Variants in DIAPH2 observed in about 807,000 individuals in gnomAD.
DIAPH2 encodes the protein diaphanous related formin 2, also known as protein diaphanous homolog 2.
A neutral mutation model predicts 92.7 loss-of-function variants in DIAPH2; 35 were observed. The observed-to-expected ratio is 0.38, with a 90% confidence interval of 0.29 to 0.50. DIAPH2 has a LOEUF of 0.50. Among genes scored for constraint, DIAPH2 ranks in the 20% least tolerant of loss-of-function variants. The pLI is 0.94. For missense variants in DIAPH2, 701 were observed against 819.5 expected (o/e 0.86, Z 1.77); for synonymous variants, 301 against 280.4 (o/e 1.07, Z -0.73).
At chrX:97,369,304 A>G (rs2069419029) in intron 24 of DIAPH2, among the ~76,000 whole-genome samples, 1 of 111,532 alleles carries the variant, frequency 9.0e-6, no homozygotes, top group African/African-American at 3.3e-5. Flanking sequence ...TAAATACATA[A>G]TGGATATATT....
intron 26 of DIAPH2, among the ~76,000 whole-genome samples, chrX:97,553,048 T>G: frequency 8.9e-6 from 1 of 112,255 alleles, no homozygotes; most frequent in East Asian, 2.8e-4. Flanking sequence ...TGTTATATTC[T>G]GAGGTACTGC....
At chrX:96,841,818 C>G (rs954390372) in intron 4 of DIAPH2, among the ~76,000 whole-genome samples, 2 of 111,967 alleles carry the variant, frequency 1.8e-5, no homozygotes, top group Admixed American at 1.9e-4. Flanking sequence ...TTTTAATCAC[C>G]TAGGTGCAGG....
chrX:97,316,485 C>CAAAAAA (rs55897560), intron 23 of DIAPH2, among the ~76,000 whole-genome samples: 1 of 59,302 alleles, frequency 1.7e-5, no homozygotes, highest in African/African-American at 6.3e-5. Flanking sequence ...ACTAAAAATA[C>CAAAAAA]AAAAAAAAAA....
intron 4 of DIAPH2, among the ~76,000 whole-genome samples, chrX:96,866,296 A>G (rs780466444): frequency 8.9e-6 from 1 of 111,990 alleles, no homozygotes; most frequent in South Asian, 3.7e-4. Flanking sequence ...TCTGCATAAC[A>G]ATATTAATAC....
intron 26 of DIAPH2, among the ~76,000 whole-genome samples, chrX:97,549,319 A>T (rs2071203294): frequency 8.9e-6 from 1 of 111,807 alleles, no homozygotes; most frequent in Admixed American, 9.5e-5. Flanking sequence ...AACACATTCA[A>T]ACTATTTTAT....
chrX:97,227,827 A>C (rs2067977254), intron 22 of DIAPH2, among the ~76,000 whole-genome samples: 2 of 112,119 alleles, frequency 1.8e-5, no homozygotes, highest in Admixed American at 1.9e-4. Flanking sequence ...ATTATGTAAA[A>C]CTGACTGTAA....
chrX:96,727,109 A>G lies in DIAPH2; in HGVS notation c.133-8649A>G, dbSNP rs143949223. Among the ~76,000 whole-genome samples the G allele has an allele frequency of 4.8e-3, 535 of 112,334 alleles. 5 individuals carry two copies. Among genetic ancestry groups the G allele is most frequent in the African/African-American group, 0.017 (517 of 30,952 alleles). ...CTTTATTTATCCTGTTTTGTGAAAT[A>G]TCCATGTTTTCCTTTTAAACTTGAA... On this transcript the variant is annotated intron_variant, in intron 1 of 26. Transcript: ENST00000324765.
chrX:97,307,560 A>G (rs187850262), intron 23 of DIAPH2, among the ~76,000 whole-genome samples: 200 of 111,690 alleles, frequency 1.8e-3, no homozygotes, highest in African/African-American at 5.9e-3. Flanking sequence ...TTCAGTCTCA[A>G]TATAAAATAG....
chrX:96,912,525 A>G lies in DIAPH2; in HGVS notation c.705A>G (p.Gln235=), dbSNP rs2065474829. The change falls in exon 7 of 27, where the codon CAA becomes CAG. Residue 235 remains glutamine (Q), a synonymous_variant. Transcript: ENST00000324765. ...IDKKNQYKLI[Q]CLKAFMNNKF... Reference sequence around the variant, plus strand: ...AGAAGAATCAGTATAAACTTATTCAATGCCTCAAAGCATTTATGAATAATA... The same window carrying G: ...AGAAGAATCAGTATAAACTTATTCAGTGCCTCAAAGCATTTATGAATAATA... 4 of 1,196,273 alleles carry G rather than the reference A, an allele frequency of 3.3e-6. No homozygotes were observed. Among genetic ancestry groups the G allele is most frequent in the South Asian group, 3.8e-5 (2 of 53,267 alleles).
At chrX:96,717,816 GTATATATATATATATATATATA>G (rs61272505) in intron 1 of DIAPH2, among the ~76,000 whole-genome samples, 139 of 36,373 alleles carry the variant, frequency 3.8e-3, no homozygotes, top group African/African-American at 7.6e-3. Flanking sequence ...TGGGTATATA[GTATATATATATATATATATATA>G]TATATATATA....
rs186576015 is a variant in DIAPH2 at position 96,854,586 on chromosome X, C to A, written c.448-26993C>A. Among the ~76,000 whole-genome samples, 152 of 75,063 alleles carry A rather than the reference C, an allele frequency of 2.0e-3. 1 individual carries two copies. The highest frequency in any genetic ancestry group is 7.3e-3 in the African/African-American group (146 of 19,996). The allele number at this position is 75,063 out of a possible 115,157, so 65.2% of individuals were successfully genotyped here. A position where few individuals can be genotyped will look rare whatever the true frequency, so the allele number is the denominator to read the frequency against. On this transcript the variant is annotated intron_variant, in intron 4 of 26. Transcript: ENST00000324765. The stretch of plus-strand genomic sequence containing the variant: ...TGTATATATATAAAAAACCAAGACT[C>A]TCTCTCTCTCTCATATATATATATA...
At position 97,599,500 on chromosome X, in the gene DIAPH2, A is replaced by AATC. The variant is rs2071578683; in HGVS notation, c.*184_*186dup. Reference sequence around the variant, plus strand: ...GCAAGACTCCTCCCACAATTATTCTAATCTGAACACAGTTATCAGGATTAC... The same window carrying AATC: ...GCAAGACTCCTCCCACAATTATTCTAATCATCTGAACACAGTTATCAGGATTAC... On this transcript the variant is annotated 3_prime_UTR_variant, in exon 27 of 27. Coordinates refer to ENST00000324765, the MANE Select transcript of DIAPH2 (RefSeq NM_006729.5). 6.7e-6 allele frequency: 2 copies of AATC among 298,492 alleles called. No individual in the cohort carries two copies. Among genetic ancestry groups the AATC allele is most frequent in the South Asian group, 4.4e-5 (1 of 22,792 alleles). 24.6% of individuals were successfully genotyped at this position (298,492 alleles called of 1,213,427 possible).
intron 23 of DIAPH2, among the ~76,000 whole-genome samples, chrX:97,256,998 A>G (rs1054426307): frequency 5.7e-5 from 1 of 17,476 alleles, no homozygotes; most frequent in African/African-American, 9.8e-5. Context: ...CAAGATGAAG[A>G]CTGAAAAAAA....
At chrX:97,511,532 C>A (rs999977832) in intron 26 of DIAPH2, among the ~76,000 whole-genome samples, 1 of 109,432 alleles carries the variant, frequency 9.1e-6, no homozygotes, top group Non-Finnish European at 1.9e-5. Context: ...CTGGCCAGAA[C>A]TTCCAAGACT....
intron 15 of DIAPH2, among the ~76,000 whole-genome samples, chrX:96,950,259 ACATT>A (rs2065765994): frequency 9.0e-6 from 1 of 110,877 alleles, no homozygotes; most frequent in Non-Finnish European, 1.9e-5. Flanking sequence ...TCAGTATCAT[ACATT>A]CACATATCCC....
intron 9 of DIAPH2, among the ~76,000 whole-genome samples, chrX:96,920,434 AT>A (rs1569427277): frequency 1.8e-5 from 2 of 112,003 alleles, no homozygotes; most frequent in African/African-American, 6.5e-5. Flanking sequence ...TTTTCATTAC[AT>A]TGATATATTT....
chrX:96,805,231 A>ACG (rs2064614997), intron 4 of DIAPH2, among the ~76,000 whole-genome samples: 1 of 111,312 alleles, frequency 9.0e-6, no homozygotes, highest in Non-Finnish European at 1.9e-5. Context: ...ATACACACAC[A>ACG]TATATATACA....
intron 4 of DIAPH2, among the ~76,000 whole-genome samples, chrX:96,779,567 A>G: frequency 8.9e-6 from 1 of 112,200 alleles, no homozygotes; most frequent in East Asian, 2.8e-4. Context: ...TTAAACATTA[A>G]AATCTACTTT....
chrX:97,091,466 G>A, intron 19 of DIAPH2, among the ~76,000 whole-genome samples: 1 of 110,114 alleles, frequency 9.1e-6, no homozygotes, highest in Middle Eastern at 4.7e-3. Flanking sequence ...TTAGCGATGG[G>A]GGTCTTGCTG....
Sources: gnomAD v4.1 joint callset for allele counts (sites outside exome capture counted in the v4.1 genomes callset) on GRCh38, gnomAD v4.1.1 for gene constraint, MANE v1.5 for transcripts, NCBI Gene and HGNC (gene_info 2026-07-23, HGNC 2026-07-21) for gene names.